Variants in ASPRV1 observed in about 807,000 individuals in gnomAD.
ASPRV1 encodes aspartic peptidase retroviral like 1.
A neutral mutation model predicts 11.0 loss-of-function variants in ASPRV1; 7 were observed. The observed-to-expected ratio is 0.64, with a 90% confidence interval of 0.36 to 1.20. ASPRV1 has a LOEUF of 1.20. Among genes scored for constraint, ASPRV1 ranks in the 50% most tolerant of loss-of-function variants. The pLI, the probability that ASPRV1 is intolerant of heterozygous loss-of-function variation, is 0.02. For synonymous variants in ASPRV1, 136 were observed against 138.4 expected, an observed-to-expected ratio of 0.98 and a Z score of 0.12; for missense variants, 299 against 320.0, an observed-to-expected ratio of 0.93 and a Z score of 0.50.
At chr2:70,085,276 G>A in the ASPRV1 span, among the ~76,000 whole-genome samples, 19 of 152,284 alleles carry the variant, frequency 1.2e-4, no homozygotes, top group Non-Finnish European at 2.6e-4. Flanking sequence ...GGGCCAGACC[G>A]ACAGACACCT....
the ASPRV1 span, among the ~76,000 whole-genome samples, chr2:69,996,075 T>C: frequency 3.3e-5 from 5 of 151,876 alleles, no homozygotes; most frequent in Non-Finnish European, 5.9e-5. Context: ...GTTTTCCTTT[T>C]TTCAGTTTAA....
chr2:69,964,993 G>A (rs536262870), upstream of ASPRV1, among the ~76,000 whole-genome samples: 11 of 152,202 alleles, frequency 7.2e-5, no homozygotes, highest in South Asian at 2.1e-4. Flanking sequence ...TGGGCCCATC[G>A]GGCCTCCTGA....
At chr2:69,942,684 G>C in the ASPRV1 span, 2 of 152,066 alleles carry the variant, frequency 1.3e-5, no homozygotes, top group South Asian at 4.1e-4. Context: ...ATTTTTGGGG[G>C]GCCATCTTCC....
At chr2:69,962,540 G>A (rs1678161650), upstream of ASPRV1, 2 of 152,516 alleles carry the variant, frequency 1.3e-5, no homozygotes, top group South Asian at 4.1e-4. Flanking sequence ...CAGTGGTGAG[G>A]ACCTGGAGGG....
At chr2:69,981,337 C>G in the ASPRV1 span, among the ~76,000 whole-genome samples, 1 of 151,990 alleles carries the variant, frequency 6.6e-6, no homozygotes, top group African/African-American at 2.4e-5. Context: ...TATTTATTGA[C>G]GTGGAAAATG....
chr2:69,987,701 G>A, the ASPRV1 span, among the ~76,000 whole-genome samples: 1 of 152,060 alleles, frequency 6.6e-6, no homozygotes, highest in African/African-American at 2.4e-5. Flanking sequence ...AGTGAGCTAT[G>A]ATCTTGCCAC....
chr2:70,073,827 C>T, the ASPRV1 span, among the ~76,000 whole-genome samples: 1 of 151,974 alleles, frequency 6.6e-6, no homozygotes, highest in Non-Finnish European at 1.5e-5. Flanking sequence ...CTTCCCTGCA[C>T]AAGGCAGACT....
chr2:70,044,553 G>A, the ASPRV1 span, among the ~76,000 whole-genome samples: 4 of 152,308 alleles, frequency 2.6e-5, no homozygotes, highest in South Asian at 2.1e-4. Context: ...ACCGCCTCGC[G>A]GATTCAGGCG....
At chr2:69,986,006 T>C in the ASPRV1 span, among the ~76,000 whole-genome samples, 1 of 152,166 alleles carries the variant, frequency 6.6e-6, no homozygotes, top group Non-Finnish European at 1.5e-5. Flanking sequence ...GCAGACTATG[T>C]GGCAAGCAGT....
the ASPRV1 span, chr2:69,988,676 C>T: frequency 2.1e-5 from 9 of 422,592 alleles, no homozygotes; most frequent in Non-Finnish European, 3.8e-5. Context: ...TTAAAATGGT[C>T]GATTTTATGT....
At chr2:70,076,084 C>A in the ASPRV1 span, among the ~76,000 whole-genome samples, 1 of 147,042 alleles carries the variant, frequency 6.8e-6, no homozygotes, top group South Asian at 2.3e-4. Context: ...GTCTTTGGAT[C>A]TAGGGAAGAA....
the ASPRV1 span, among the ~76,000 whole-genome samples, chr2:70,079,570 G>A: frequency 2.6e-5 from 4 of 152,110 alleles, no homozygotes; most frequent in Non-Finnish European, 4.4e-5. Flanking sequence ...GGAGAGTGAG[G>A]AGATGAAGAA....
chr2:70,041,012 A>G, the ASPRV1 span, among the ~76,000 whole-genome samples: 1 of 152,168 alleles, frequency 6.6e-6, no homozygotes, highest in African/African-American at 2.4e-5. Context: ...AAATGGCAAA[A>G]ATGGACAAAT....
At chr2:70,009,057 G>A in the ASPRV1 span, among the ~76,000 whole-genome samples, 1 of 152,072 alleles carries the variant, frequency 6.6e-6, no homozygotes, top group African/African-American at 2.4e-5. Flanking sequence ...AAATGTGAGG[G>A]CAGAAAAAGA....
chr2:70,054,432 T>G, the ASPRV1 span, among the ~76,000 whole-genome samples: 1 of 150,828 alleles, frequency 6.6e-6, no homozygotes, highest in African/African-American at 2.4e-5. Flanking sequence ...ACAAAAAAAT[T>G]AGCCCGGCGC....
chr2:69,955,528 G>C (rs1272536242), downstream of ASPRV1, among the ~76,000 whole-genome samples: 1 of 152,212 alleles, frequency 6.6e-6, no homozygotes, highest in African/African-American at 2.4e-5. Context: ...ATAGGTGCAT[G>C]GGTTAGCAAT....
chr2:69,955,422 TTCC>T (rs1350139366), downstream of ASPRV1, among the ~76,000 whole-genome samples: 3 of 152,232 alleles, frequency 2.0e-5, no homozygotes, highest in East Asian at 1.9e-4. Flanking sequence ...TGCGCTCGGC[TTCC>T]TCATTTGTCT....
chr2:70,023,368 A>G, the ASPRV1 span, among the ~76,000 whole-genome samples: 1 of 152,228 alleles, frequency 6.6e-6, no homozygotes, highest in South Asian at 2.1e-4. Context: ...CTTGCTGATT[A>G]CTAGTAAATA....
chr2:69,951,578 C>CAT, the ASPRV1 span, among the ~76,000 whole-genome samples: 2 of 146,264 alleles, frequency 1.4e-5, no homozygotes, highest in South Asian at 2.1e-4. Context: ...TATATATAAA[C>CAT]ATATATATAG....
Sources: allele counts gnomAD v4.1 joint callset (sites outside exome capture counted in the v4.1 genomes callset), GRCh38; gene constraint gnomAD v4.1.1; transcripts MANE v1.5; gene names NCBI Gene and HGNC (gene_info 2026-07-23, HGNC 2026-07-21).